GLG1: variants seen among roughly 807,000 people sequenced by gnomAD.
The protein encoded by GLG1 is golgi glycoprotein 1, also known as Golgi apparatus protein 1.
A neutral mutation model predicts 160.5 loss-of-function variants in GLG1; 38 were observed. The ratio of observed to expected loss-of-function variants is 0.24; its 90% CI spans 0.18 to 0.31. GLG1 has a LOEUF of 0.31. Among genes scored for constraint, GLG1 ranks in the 10% least tolerant of loss-of-function variants. GLG1 has a pLI of 1.00. For synonymous variants in GLG1, 644 were observed against 543.4 expected (o/e 1.19, Z -2.57); for missense variants, 1,373 against 1,505.2 (o/e 0.91, Z 1.45).
At chr16:74,605,850 G>A (rs1359926432) in intron 1 of GLG1, among the ~76,000 whole-genome samples, 1 of 152,070 alleles carries the variant, frequency 6.6e-6, no homozygotes, top group East Asian at 1.9e-4. Flanking sequence ...TGTCAGATTT[G>A]CTCCCAAACT....
At chr16:74,478,756 A>G (rs2015483145) in intron 11 of GLG1, among the ~76,000 whole-genome samples, 1 of 150,878 alleles carries the variant, frequency 6.6e-6, no homozygotes, top group South Asian at 2.1e-4. Context: ...TACTAAAAAT[A>G]CAAAAATTAG....
At chr16:74,565,546 T>C (rs375167711) in intron 1 of GLG1, among the ~76,000 whole-genome samples, 9 of 152,204 alleles carry the variant, frequency 5.9e-5, no homozygotes, top group Non-Finnish European at 1.0e-4. Context: ...ACTTCACTCA[T>C]AGACCGCCAA....
chr16:74,593,682 G>A (rs950425232), intron 1 of GLG1, among the ~76,000 whole-genome samples: 10 of 151,698 alleles, frequency 6.6e-5, no homozygotes, highest in Non-Finnish European at 7.4e-5. Flanking sequence ...TGATCTGCCC[G>A]CCTCGGCCTC....
At chr16:74,471,476 C>G (rs906056847) in intron 14 of GLG1, among the ~76,000 whole-genome samples, 190 bp from the exon 15 acceptor site, 3 of 152,172 alleles carry the variant, frequency 2.0e-5, no homozygotes, top group Non-Finnish European at 4.4e-5. Context: ...AAAACTAACA[C>G]AGCACTGTGT....
chr16:74,476,464 T>C (rs2015393400), intron 12 of GLG1, among the ~76,000 whole-genome samples: 1 of 152,190 alleles, frequency 6.6e-6, no homozygotes, highest in Admixed American at 6.5e-5. Flanking sequence ...GTTTCTCCTT[T>C]AAAATGTCCA....
In GLG1 at chr16:74,606,951, G is replaced by A. The variant is rs757942608; in HGVS notation, c.144C>T (p.Ser48=). ...CGCCGCCTCCGGCCTGCCCTACGAA[G>A]GACACAAAGTTGGCCCCGGGACCCT... ...QGQGPGANFV[S]FVGQAGGGGP... The change falls in exon 1 of 26, where the codon TCC becomes TCT. Residue 48 remains serine, a synonymous_variant. Coordinates refer to ENST00000422840, the MANE Select transcript of GLG1 (RefSeq NM_001145667.2). 8 of 1,608,954 alleles carry A rather than the reference G, an allele frequency of 5.0e-6. No homozygotes were observed. Among genetic ancestry groups the A allele is most frequent in the South Asian group, 3.3e-5 (3 of 90,762 alleles).
chr16:74,479,826 T>C (rs2015533094), intron 11 of GLG1, among the ~76,000 whole-genome samples: 1 of 152,230 alleles, frequency 6.6e-6, no homozygotes, highest in South Asian at 2.1e-4. Context: ...TGGAGGTTTC[T>C]GCTCCAACCA....
chr16:74,473,691 C>T (rs562643202), intron 13 of GLG1, among the ~76,000 whole-genome samples: 1 of 151,932 alleles, frequency 6.6e-6, no homozygotes, highest in Non-Finnish European at 1.5e-5. Flanking sequence ...CCGCCCGCCT[C>T]GCCTCCCAAA....
intron 3 of GLG1, among the ~76,000 whole-genome samples, chr16:74,504,397 C>T (rs1441961594): frequency 6.6e-6 from 1 of 152,126 alleles, no homozygotes; most frequent in East Asian, 1.9e-4. Flanking sequence ...AAGTGATTCT[C>T]CTGCCTCAGC....
intron 1 of GLG1, among the ~76,000 whole-genome samples, chr16:74,560,003 G>C (rs1234233737): frequency 6.6e-6 from 1 of 152,176 alleles, no homozygotes; most frequent in Non-Finnish European, 1.5e-5. Flanking sequence ...CACAACTAAA[G>C]AACCAACAAT....
intron 2 of GLG1, among the ~76,000 whole-genome samples, chr16:74,524,332 T>G (rs1368168885): frequency 6.6e-6 from 1 of 152,244 alleles, no homozygotes; most frequent in African/African-American, 2.4e-5. Flanking sequence ...TAACTATGTC[T>G]TGTTGCCAAT....
intron 1 of GLG1, among the ~76,000 whole-genome samples, chr16:74,574,882 T>TAAA (rs1567533255): frequency 2.7e-4 from 1 of 3,730 alleles, no homozygotes; most frequent in Non-Finnish European, 4.3e-4. Flanking sequence ...AGACTCTGTC[T>TAAA]CAAAAAAAAA....
chr16:74,459,604 G>A, intron 23 of GLG1, 78 bp downstream of exon 23: 2 of 750,358 alleles, frequency 2.7e-6, no homozygotes, highest in South Asian at 1.7e-5. Context: ...ACCAAGGTAG[G>A]CAGACTACAG....
intron 2 of GLG1, among the ~76,000 whole-genome samples, chr16:74,510,674 G>A (rs1222645570): frequency 6.6e-6 from 1 of 152,184 alleles, no homozygotes; most frequent in Non-Finnish European, 1.5e-5. Context: ...GCGTTTCACA[G>A]ATAGGCTATT....
At position 74,498,447 on chromosome 16, in the gene GLG1, AGTATATATAT is replaced by A. The variant is rs1597270684; in HGVS notation, c.775-1813_775-1804del. 7.3e-4 allele frequency among the ~76,000 whole-genome samples: 6 copies of A among 8,208 alleles called. 1 individual carries two copies. The highest frequency in any genetic ancestry group is 2.9e-3 in the Admixed American group (1 of 344). The allele number at this position is 8,208 out of a possible 152,430, so 5.4% of individuals were successfully genotyped here. ...AGGCTCTGTCTCAAAAAAAAAAAAA[AGTATATATAT>A]ATATATATATTATATTTTATATATA... On this transcript the variant is annotated intron_variant, in intron 4 of 25. Transcript: ENST00000422840.
chr16:74,469,008 C>A lies in GLG1; in HGVS notation c.2374G>T (p.Ala792Ser). ...TTVRNDTLQE[A>S]KEHRVSLKCR... Reference sequence around the variant, plus strand: ...TTCAGGGACACCCTGTGCTCCTTGGCTTCCTGCAGAGTGTCATTGCGCACG... The same window carrying A: ...TTCAGGGACACCCTGTGCTCCTTGGATTCCTGCAGAGTGTCATTGCGCACG... The change falls in exon 17 of 26, where the codon GCC becomes TCC. Residue 792 changes from alanine to serine, a missense_variant. Physicochemically the swap from Ala to Ser is moderately conservative, Grantham distance 99. Around this residue, in one of 4 missense-constraint regions of GLG1, gnomAD observed 491 missense variants for 632.1 expected, o/e 0.78. Coordinates refer to ENST00000422840, the MANE Select transcript of GLG1 (RefSeq NM_001145667.2). 6.2e-7 allele frequency: 1 copy of A among 1,614,166 alleles called. No homozygotes were observed. Among genetic ancestry groups the A allele is most frequent in the Non-Finnish European group, 8.5e-7 (1 of 1,179,962 alleles).
intron 14 of GLG1, among the ~76,000 whole-genome samples, chr16:74,472,127 A>C (rs2015229424): frequency 6.6e-6 from 1 of 152,080 alleles, no homozygotes; most frequent in African/African-American, 2.4e-5. Context: ...GCTGGTCTTG[A>C]AATCCTGGGC....
At chr16:74,560,194 A>T (rs368574197) in intron 1 of GLG1, among the ~76,000 whole-genome samples, 11 of 152,240 alleles carry the variant, frequency 7.2e-5, no homozygotes, top group African/African-American at 2.6e-4. Context: ...GTCCTTCCCA[A>T]TGTGGGTGGG....
Position 74,462,541 on chromosome 16 carries a change from A to C in GLG1, c.2881T>G (p.Ser961Ala). ...HGILTKAKDD[S>A]ELEGQVISCL... is the part of the protein sequence containing the mutation. The stretch of plus-strand genomic sequence containing the variant: ...GAGATGACTTGTCCTTCTAATTCTG[A>C]ATCATCCTTGGCCTTAGTCAGGATA... Residue 961 changes from serine to alanine, a missense_variant, in exon 21 of 26, where the codon TCA (serine) becomes GCA (alanine). Ser to Ala is a moderately conservative substitution (Grantham distance 99, BLOSUM62 1). Around this residue, in one of 4 missense-constraint regions of GLG1, gnomAD observed 491 missense variants for 632.1 expected, o/e 0.78. Coordinates refer to ENST00000422840, the MANE Select transcript of GLG1 (RefSeq NM_001145667.2). 1 of 1,613,914 alleles carries C rather than the reference A, an allele frequency of 6.2e-7. No homozygotes were observed. Among genetic ancestry groups the C allele is most frequent in the Non-Finnish European group, 8.5e-7 (1 of 1,179,754 alleles).
Sources: allele counts gnomAD v4.1 joint callset (sites outside exome capture counted in the v4.1 genomes callset), GRCh38; gene constraint gnomAD v4.1.1; regional missense constraint gnomAD v4.1.1; transcripts MANE v1.5; gene names NCBI Gene and HGNC (gene_info 2026-07-23, HGNC 2026-07-21).